MBD5: variants seen among roughly 807,000 people sequenced by gnomAD.
MBD5 encodes the protein methyl-CpG binding domain protein 5.
MBD5 carries 13 observed loss-of-function variants against 117.3 expected under a neutral mutation model. The observed-to-expected ratio is 0.11, with a 90% CI of 0.07 to 0.18. MBD5 has a LOEUF of 0.18. MBD5 is among the 10% of genes least tolerant of loss of function. The probability of loss-of-function intolerance (pLI) is 1.00; values close to 1 mark genes in which losing one functional copy is unlikely to be tolerated. For synonymous variants in MBD5, 727 were observed against 766.4 expected (o/e 0.95, Z 0.85); for missense variants, 1,879 against 2,093.8 (o/e 0.90, Z 2.00).
chr2:148,361,214 G>T (rs1703524220), intron 4 of MBD5, among the ~76,000 whole-genome samples: 1 of 152,154 alleles, frequency 6.6e-6, no homozygotes, highest in Admixed American at 6.5e-5. Flanking sequence ...GCCAGGTGAG[G>T]TGGCACATGC....
intron 1 of MBD5, among the ~76,000 whole-genome samples, chr2:148,114,286 G>T (rs1480443520): frequency 1.3e-5 from 2 of 152,016 alleles, no homozygotes; most frequent in Non-Finnish European, 2.9e-5. Flanking sequence ...CCTGGCCAAC[G>T]TGGTGAAAGT....
chr2:148,287,696 TC>T (rs1319311105), intron 3 of MBD5, among the ~76,000 whole-genome samples: 1 of 152,102 alleles, frequency 6.6e-6, no homozygotes, highest in Non-Finnish European at 1.5e-5. Context: ...TGCCACATCA[TC>T]CCAATGGCCA....
At chr2:148,087,425 A>G (rs774548809) in intron 1 of MBD5, among the ~76,000 whole-genome samples, 9 of 152,222 alleles carry the variant, frequency 5.9e-5, no homozygotes, top group Non-Finnish European at 8.8e-5. Context: ...CGAGAATGCT[A>G]GCACACTAAA....
rs1189428629 is a variant in MBD5, at chr2:148,514,144, A to G, written c.*1203A>G. On this transcript the variant is annotated 3_prime_UTR_variant, in exon 14 of 14. Coordinates refer to ENST00000642680, the MANE Select transcript of MBD5 (RefSeq NM_001378120.1). ...TCAGATTTATTTTATTTAAAGAATT[A>G]TTTATACCATTAACAGATTCTTATA... The G allele has an allele frequency of 6.6e-6, 1 of 152,192 alleles. No homozygotes were observed. Among genetic ancestry groups the G allele is most frequent in the African/African-American group, 2.4e-5 (1 of 41,458 alleles). The allele number at this position is 152,192 out of a possible 1,614,324, so 9.4% of individuals were successfully genotyped here.
intron 1 of MBD5, among the ~76,000 whole-genome samples, chr2:148,050,539 T>C (rs887230383): frequency 1.3e-5 from 2 of 152,184 alleles, no homozygotes; most frequent in African/African-American, 4.8e-5. Flanking sequence ...TATAATGTCA[T>C]TTGATCCACA....
At chr2:148,439,025 C>T (rs1474085711) in intron 4 of MBD5, among the ~76,000 whole-genome samples, 1 of 152,106 alleles carries the variant, frequency 6.6e-6, no homozygotes, top group African/African-American at 2.4e-5. Flanking sequence ...CTCTTATCAA[C>T]CTGGCACCCA....
At position 148,296,863 on chromosome 2, in the gene MBD5, A is replaced by ATTTTTTTTTTTT. The variant is rs1559010681; in HGVS notation, c.-679-45351_-679-45350insTTTTTTTTTTTT. Among the ~76,000 whole-genome samples the ATTTTTTTTTTTT allele has an allele frequency of 8.8e-4, 33 of 37,708 alleles. 2 individuals are homozygous for ATTTTTTTTTTTT. Among genetic ancestry groups the ATTTTTTTTTTTT allele is most frequent in the Admixed American group, 9.0e-4 (2 of 2,230 alleles). 24.7% of individuals were successfully genotyped at this position (37,708 alleles called of 152,430 possible). ...TAAGCATAGTTTGCTTTAGTTCTTC[A>ATTTTTTTTTTTT]ATTTTTTTTTTTTTTTTTTTTGGAG... On this transcript the variant is annotated intron_variant, in intron 3 of 13. Coordinates refer to ENST00000642680, the MANE Select transcript of MBD5 (RefSeq NM_001378120.1).
At chr2:148,060,157 A>AAAAAAAAAAAT (rs1262514493) in intron 1 of MBD5, among the ~76,000 whole-genome samples, 1 of 147,306 alleles carries the variant, frequency 6.8e-6, no homozygotes. Context: ...AAAAAAAAAA[A>AAAAAAAAAAAT]AAAAAGCCAG....
chr2:148,445,961 C>T (rs116258606), intron 4 of MBD5, among the ~76,000 whole-genome samples: 2,312 of 150,886 alleles, frequency 0.015, 37 homozygotes, highest in Admixed American at 0.026. Flanking sequence ...TCATATCCTT[C>T]GCCCACGATG....
At chr2:148,079,497 G>C (rs1203611510) in intron 1 of MBD5, among the ~76,000 whole-genome samples, 1 of 151,960 alleles carries the variant, frequency 6.6e-6, no homozygotes, top group Admixed American at 6.6e-5. Flanking sequence ...TCTCAAGTTA[G>C]AGAGGCAGTC....
At chr2:148,205,747 A>G (rs922547873) in intron 2 of MBD5, among the ~76,000 whole-genome samples, 1 of 152,160 alleles carries the variant, frequency 6.6e-6, no homozygotes, top group Non-Finnish European at 1.5e-5. Context: ...GAAAATAGGC[A>G]GGCTGCAATG....
At chr2:148,216,277 C>CA (rs143213497) in intron 2 of MBD5, among the ~76,000 whole-genome samples, 2,088 of 152,200 alleles carry the variant, frequency 0.014, 57 homozygotes, top group African/African-American at 0.047. Context: ...ACTGGTCAGC[C>CA]AGAGCCAGAG....
At chr2:148,381,466 C>A (rs1212439826) in intron 4 of MBD5, among the ~76,000 whole-genome samples, 1 of 152,110 alleles carries the variant, frequency 6.6e-6, no homozygotes, top group East Asian at 1.9e-4. Context: ...TGTGAAAAGA[C>A]CAAATCTACG....
chr2:148,386,038 C>G (rs1258935410), intron 4 of MBD5, among the ~76,000 whole-genome samples: 1 of 150,452 alleles, frequency 6.6e-6, no homozygotes, highest in African/African-American at 2.4e-5. Context: ...TGCAGCACAC[C>G]AACATGGCAC....
intron 3 of MBD5, among the ~76,000 whole-genome samples, chr2:148,325,328 A>T (rs1702416021): frequency 6.6e-6 from 1 of 152,174 alleles, no homozygotes; most frequent in South Asian, 2.1e-4. Context: ...AGGCTTTGGT[A>T]TCAGGATGAT....
intron 3 of MBD5, among the ~76,000 whole-genome samples, chr2:148,326,190 G>A (rs979003991): frequency 2.0e-5 from 3 of 152,114 alleles, no homozygotes; most frequent in Non-Finnish European, 2.9e-5. Context: ...ATTGCACTAC[G>A]GTCTGAGATA....
intron 4 of MBD5, among the ~76,000 whole-genome samples, chr2:148,444,946 C>A (rs1359294892): frequency 6.6e-6 from 1 of 150,916 alleles, no homozygotes; most frequent in East Asian, 1.9e-4. Flanking sequence ...ACCTGGAGTA[C>A]ATTTATTATA....
chr2:148,377,234 G>A (rs192558648), intron 4 of MBD5, among the ~76,000 whole-genome samples: 1 of 152,038 alleles, frequency 6.6e-6, no homozygotes, highest in Non-Finnish European at 1.5e-5. Flanking sequence ...AAGGATGTAG[G>A]CTGGGAGGCT....
intron 4 of MBD5, among the ~76,000 whole-genome samples, chr2:148,425,612 A>G (rs1306078487): frequency 4.6e-5 from 7 of 152,238 alleles, no homozygotes; most frequent in African/African-American, 1.4e-4. Context: ...AATATCCCTG[A>G]TGAACATCGG....
Sources: allele counts gnomAD v4.1 joint callset (sites outside exome capture counted in the v4.1 genomes callset), GRCh38; gene constraint gnomAD v4.1.1; transcripts MANE v1.5; gene names NCBI Gene and HGNC (gene_info 2026-07-23, HGNC 2026-07-21).